The following NTRK3 variants were observed in gnomAD, a reference collection of about 807,000 sequenced individuals.
The protein encoded by NTRK3 is neurotrophic receptor tyrosine kinase 3.
A neutral mutation model predicts 91.7 loss-of-function variants in NTRK3; 24 were observed. The ratio of observed to expected loss-of-function variants is 0.26; its 90% CI spans 0.19 to 0.37. NTRK3 has a LOEUF of 0.37. Among genes scored for constraint, NTRK3 ranks in the 10% least tolerant of loss-of-function variants. NTRK3 has a pLI of 1.00. For missense variants in NTRK3, 880 were observed against 1,068.9 expected (o/e 0.82, Z 2.46); for synonymous variants, 483 against 404.0 (o/e 1.20, Z -2.34).
intron 14 of NTRK3, chr15:87,979,009 T>C: frequency 2.5e-6 from 1 of 403,186 alleles, no homozygotes. Context: ...TAGGTTGTTT[T>C]TGTAAAGCAA....
intron 9 of NTRK3, among the ~76,000 whole-genome samples, 194 bp from the exon 10 acceptor site, chr15:88,135,591 T>G (rs937086652): frequency 1.3e-5 from 2 of 152,158 alleles, no homozygotes; most frequent in Admixed American, 6.5e-5. Context: ...TAGATCCACC[T>G]TAGCTGGAGG....
chr15:88,133,021 G>A (rs1177279094), intron 10 of NTRK3, among the ~76,000 whole-genome samples: 4 of 152,050 alleles, frequency 2.6e-5, no homozygotes, highest in African/African-American at 9.7e-5. Context: ...GTCACCTGGG[G>A]GCTTGTTAAA....
At chr15:87,985,390 A>C (rs1157784201) in intron 14 of NTRK3, among the ~76,000 whole-genome samples, 2 of 152,192 alleles carry the variant, frequency 1.3e-5, no homozygotes, top group Non-Finnish European at 2.9e-5. Context: ...TGGGGGAATA[A>C]CTGGACCCAA....
intron 17 of NTRK3, among the ~76,000 whole-genome samples, chr15:87,920,516 TAAG>T (rs959904159): frequency 2.2e-4 from 33 of 152,256 alleles, no homozygotes; most frequent in African/African-American, 7.5e-4. Flanking sequence ...GCTGGGAATT[TAAG>T]AAGATCCCAT....
intron 5 of NTRK3, among the ~76,000 whole-genome samples, chr15:88,161,069 A>G (rs2044407890): frequency 6.6e-6 from 1 of 152,224 alleles, no homozygotes; most frequent in Non-Finnish European, 1.5e-5. Context: ...CAGGTACTCA[A>G]TGCATGGCTG....
intron 3 of NTRK3, chr15:88,252,499 C>T (rs545592661): frequency 4.6e-5 from 7 of 152,424 alleles, no homozygotes; most frequent in South Asian, 2.1e-4. Context: ...CTTTGCAAGC[C>T]GAGGTAGCCA....
At chr15:87,911,539 T>A (rs769665681) in intron 17 of NTRK3, among the ~76,000 whole-genome samples, 2 of 152,200 alleles carry the variant, frequency 1.3e-5, no homozygotes, top group Non-Finnish European at 2.9e-5. Context: ...AAGGGTAACT[T>A]CCTGCAGCAC....
chr15:88,100,036 G>T (rs148651248), intron 13 of NTRK3, among the ~76,000 whole-genome samples: 1 of 152,306 alleles, frequency 6.6e-6, no homozygotes, highest in Non-Finnish European at 1.5e-5. Context: ...GATTGTTTAA[G>T]CTTGTTTAAT....
intron 13 of NTRK3, among the ~76,000 whole-genome samples, chr15:88,113,975 T>C (rs1379978704): frequency 1.3e-5 from 2 of 152,178 alleles, no homozygotes; most frequent in African/African-American, 2.4e-5. Flanking sequence ...ATTCAGTAGA[T>C]GTGACCCAGG....
intron 5 of NTRK3, among the ~76,000 whole-genome samples, chr15:88,167,893 C>A (rs2045135684): frequency 6.6e-6 from 1 of 152,162 alleles, no homozygotes; most frequent in South Asian, 2.1e-4. Context: ...GCTATAGTAA[C>A]TGAAAGGCCT....
chr15:88,241,696 C>T lies in NTRK3; in HGVS notation c.248+14210G>A, dbSNP rs954672689. ...CGTGGAGCTACTCTCTTCATCTGAC[C>T]TGCACCTCGCCTCACCCAGGCTCAC... On this transcript the variant is annotated intron_variant, in intron 3 of 18. Coordinates refer to ENST00000394480, the Ensembl canonical transcript of NTRK3. The surrounding 1 kb of genome is among the most constrained non-coding windows in gnomAD (Gnocchi z 4.3). Among the ~76,000 whole-genome samples the T allele has an allele frequency of 6.6e-6, 1 of 152,172 alleles. No individual in the cohort carries two copies. The highest frequency in any genetic ancestry group is 2.4e-5 in the African/African-American group (1 of 41,432).
At chr15:87,982,996 T>C (rs1028402192) in intron 14 of NTRK3, among the ~76,000 whole-genome samples, 4 of 152,260 alleles carry the variant, frequency 2.6e-5, no homozygotes, top group Admixed American at 2.6e-4. Context: ...TCCTTCTGTC[T>C]CTGCTTCTTC....
chr15:88,128,862 C>A (rs2053551676), intron 10 of NTRK3, 128 bp from the exon 11 acceptor site: 6 of 840,962 alleles, frequency 7.1e-6, no homozygotes, highest in Non-Finnish European at 1.2e-5. Flanking sequence ...AACTGACAAA[C>A]TAAAATGCAT....
intron 5 of NTRK3, among the ~76,000 whole-genome samples, chr15:88,163,297 C>T (rs954928513): frequency 5.3e-5 from 8 of 152,208 alleles, no homozygotes; most frequent in African/African-American, 1.9e-4. Flanking sequence ...TTGAGCTGAT[C>T]TATAATGAGC....
chr15:87,966,074 T>TCAAACAAA (rs3028147), intron 14 of NTRK3, among the ~76,000 whole-genome samples: 130 of 148,552 alleles, frequency 8.8e-4, no homozygotes, highest in South Asian at 1.3e-3. Flanking sequence ...CAAAACTGTC[T>TCAAACAAA]CAAACAAACA....
intron 17 of NTRK3, among the ~76,000 whole-genome samples, chr15:87,915,917 A>G (rs1302651063): frequency 6.6e-6 from 1 of 152,154 alleles, no homozygotes; most frequent in Non-Finnish European, 1.5e-5. Flanking sequence ...GATTCAATTG[A>G]ATATCTGCCT....
chr15:87,981,191 T>C lies in NTRK3; in HGVS notation c.1586-40438A>G, dbSNP rs185542433. 241 of 1,554,378 alleles carry C rather than the reference T, an allele frequency of 1.6e-4. 1 individual carries two copies. In the East Asian group the frequency reaches 5.5e-3, roughly 36 times the overall value. ...CAAAATTGGTTAGGGGAGGGATCTT[T>C]ACTGCATACAAAGACGTCAAAGGAG... On this transcript the variant is annotated intron_variant, in intron 14 of 18. Transcript: ENST00000394480.
At chr15:87,896,308 T>C (rs1488317616) in intron 17 of NTRK3, among the ~76,000 whole-genome samples, 1 of 151,960 alleles carries the variant, frequency 6.6e-6, no homozygotes, top group East Asian at 1.9e-4. Flanking sequence ...CTGTCTCTAC[T>C]AAAAATACAA....
chr15:88,079,041 C>T (rs1441569760), intron 13 of NTRK3, among the ~76,000 whole-genome samples: 2 of 152,122 alleles, frequency 1.3e-5, no homozygotes, highest in African/African-American at 4.8e-5. Flanking sequence ...GCAGGGAGCA[C>T]AGGTGAACAG....
Sources: gnomAD v4.1 joint callset for allele counts (sites outside exome capture counted in the v4.1 genomes callset) on GRCh38, gnomAD v4.1.1 for gene constraint, Gnocchi (gnomAD v3.1) non-coding constraint, MANE v1.5 for transcripts, NCBI Gene and HGNC (gene_info 2026-07-23, HGNC 2026-07-21) for gene names.